The following SYNJ2 variants were observed in gnomAD, a reference collection of about 807,000 sequenced individuals.
SYNJ2 encodes the protein polyphosphatidylinositol phosphatase SYNJ2.
Under a neutral mutation model 141.3 loss-of-function variants are expected in SYNJ2, and 116 were observed. That is an observed-to-expected ratio of 0.82 (90% CI 0.71 to 0.96). SYNJ2 has a LOEUF of 0.96. SYNJ2 is among the 40% of genes least tolerant of loss of function. The pLI, the probability that SYNJ2 is intolerant of heterozygous loss-of-function variation, is 0.00. For missense variants in SYNJ2, 1,873 were observed against 1,934.8 expected, an observed-to-expected ratio of 0.97 and a Z score of 0.60; for synonymous variants, 745 against 777.7, an observed-to-expected ratio of 0.96 and a Z score of 0.70.
chr6:158,023,085 A>G (rs1282277036), intron 2 of SYNJ2, among the ~76,000 whole-genome samples: 1 of 152,050 alleles, frequency 6.6e-6, no homozygotes, highest in African/African-American at 2.4e-5. Context: ...CTATGTCTCT[A>G]CATAGTGATG....
At chr6:158,023,415 C>T (rs564322893) in intron 2 of SYNJ2, among the ~76,000 whole-genome samples, 2 of 152,170 alleles carry the variant, frequency 1.3e-5, no homozygotes, top group East Asian at 3.9e-4. Context: ...GTAGGCAGGG[C>T]GGGGCCTTCC....
intron 1 of SYNJ2, among the ~76,000 whole-genome samples, chr6:157,991,585 C>A (rs1487371849): frequency 6.6e-6 from 1 of 152,176 alleles, no homozygotes; most frequent in Non-Finnish European, 1.5e-5. Flanking sequence ...AACCTAGTTG[C>A]CTTTCCTACT....
At chr6:158,093,801 G>A (rs1273956532) in intron 26 of SYNJ2, 15 of 715,084 alleles carry the variant, frequency 2.1e-5, no homozygotes, top group Middle Eastern at 2.4e-4. Context: ...AACAGTAACC[G>A]ATTCCCAGAT....
chr6:158,032,048 T>C (rs1779392769), intron 3 of SYNJ2, among the ~76,000 whole-genome samples: 1 of 152,192 alleles, frequency 6.6e-6, no homozygotes, highest in African/African-American at 2.4e-5. Flanking sequence ...TGTGTTTTTG[T>C]ACAGCAATGC....
intron 16 of SYNJ2, 24 bp from the exon 17 acceptor site, chr6:158,076,602 G>A (rs777103432): frequency 8.7e-6 from 14 of 1,605,404 alleles, no homozygotes; most frequent in Middle Eastern, 3.3e-4. Context: ...ACGGTGGCCT[G>A]ATGACTTCTT....
Position 158,033,455 on chromosome 6 carries a change from G to A in SYNJ2, c.486G>A (p.Trp162Ter). Residue 162 changes from tryptophan to a stop codon, truncating the protein, a stop_gained and splice_region_variant, in exon 4 of 27, where the codon TGG becomes TGA. Transcript: ENST00000355585. LOFTEE classifies it high-confidence loss of function. Reference protein sequence around the residue: ...DSSEWGNSFFWNQLLHVPLRQ... With the variant: ...DSSEWGNSFF ...ATTGGTGTGGGACTGTGTTTTGCAG[G>A]AACCAGCTGTTGCACGTGCCCTTGA... The A allele has an allele frequency of 1.9e-6, 3 of 1,613,718 alleles. No individual in the cohort carries two copies. The highest frequency in any genetic ancestry group is 2.5e-6 in the Non-Finnish European group (3 of 1,179,660).
chr6:158,082,698 G>A (rs1431763483), intron 20 of SYNJ2, among the ~76,000 whole-genome samples: 1 of 152,088 alleles, frequency 6.6e-6, no homozygotes, highest in African/African-American at 2.4e-5. Flanking sequence ...AAGAATGTCA[G>A]TCACTGTGTC....
intron 1 of SYNJ2, among the ~76,000 whole-genome samples, chr6:158,010,974 T>C (rs1226576276): frequency 2.8e-5 from 4 of 140,856 alleles, no homozygotes; most frequent in African/African-American, 8.1e-5. Context: ...GGGGAGGGGA[T>C]GGCCACGTGA....
chr6:158,074,817 G>A, intron 16 of SYNJ2, 79 bp downstream of exon 16: 2 of 1,524,672 alleles, frequency 1.3e-6, no homozygotes. Flanking sequence ...GGCTGGTGCA[G>A]CAAATTCAGT....
chr6:158,037,142 CA>C (rs1260671937), intron 4 of SYNJ2, among the ~76,000 whole-genome samples: 4 of 152,178 alleles, frequency 2.6e-5, no homozygotes, highest in Non-Finnish European at 4.4e-5. Context: ...TGGCCGAAAA[CA>C]ACACACTTAT....
intron 22 of SYNJ2, among the ~76,000 whole-genome samples, chr6:158,085,267 T>C (rs772714899): frequency 6.6e-5 from 10 of 152,148 alleles, no homozygotes; most frequent in Non-Finnish European, 1.3e-4. Context: ...GTGACCCTCC[T>C]ACCTGGGCCT....
At chr6:157,993,817 T>TGG (rs1562311084) in intron 1 of SYNJ2, among the ~76,000 whole-genome samples, 15 of 116,686 alleles carry the variant, frequency 1.3e-4, no homozygotes, top group African/African-American at 4.7e-4. Context: ...TTTTTTTTTT[T>TGG]TTTTTTTTTT....
At chr6:158,069,082 T>C (rs1024345134) in intron 13 of SYNJ2, among the ~76,000 whole-genome samples, 6 of 152,054 alleles carry the variant, frequency 3.9e-5, no homozygotes, top group Admixed American at 1.3e-4. Flanking sequence ...AGTAGTTGAC[T>C]CATGTTTCCT....
Position 157,982,159 on chromosome 6 carries a change from G to A in SYNJ2, c.127+71G>A, listed in dbSNP as rs1052017181. 3.2e-5 allele frequency: 41 copies of A among 1,263,434 alleles called. No homozygotes were observed. The highest frequency in any genetic ancestry group is 4.0e-5 in the Non-Finnish European group (40 of 1,003,754). The allele number at this position is 1,263,434 out of a possible 1,614,324, so 78.3% of individuals were successfully genotyped here. On this transcript the variant is annotated intron_variant, in intron 1 of 26. Transcript: ENST00000355585. This position sits in a 1 kb window ranked among gnomAD's most constrained non-coding sequence, Gnocchi z 4.0. ...GCATTCGCCCAGCCTCGGGAAGACG[G>A]GTACCCCCCCTTCCCGAGGGGATCG...
intron 3 of SYNJ2, among the ~76,000 whole-genome samples, chr6:158,032,598 C>T (rs11962601): frequency 0.047 from 7,229 of 152,240 alleles, 572 homozygotes; most frequent in African/African-American, 0.17. Flanking sequence ...GCGTGAAGAG[C>T]GCGGGCTCCA....
chr6:158,065,160 C>T (rs546618923), intron 11 of SYNJ2, among the ~76,000 whole-genome samples, 169 bp downstream of exon 11: 34 of 152,340 alleles, frequency 2.2e-4, no homozygotes, highest in South Asian at 8.3e-4. Context: ...CCTGCGCTTT[C>T]CTGCTGGGCC....
At chr6:158,058,725 G>A (rs1368955933) in intron 6 of SYNJ2, among the ~76,000 whole-genome samples, 2 of 152,182 alleles carry the variant, frequency 1.3e-5, no homozygotes, top group African/African-American at 2.4e-5. Context: ...CCAGGAGTTC[G>A]AGACCAGCCT....
rs949298489 is a variant in SYNJ2 at position 158,039,279 on chromosome 6, G to A, written c.712-4037G>A. On this transcript the variant is annotated intron_variant, in intron 4 of 26. Coordinates refer to ENST00000355585, the MANE Select transcript of SYNJ2 (RefSeq NM_003898.4). Reference sequence around the variant, plus strand: ...GAATGCACAGTTAGTATGCTCCTGCGAAGCGGCAGCCCCGCTGCCCTCCCT... The same window carrying A: ...GAATGCACAGTTAGTATGCTCCTGCAAAGCGGCAGCCCCGCTGCCCTCCCT... Among the ~76,000 whole-genome samples the A allele has an allele frequency of 3.3e-5, 5 of 152,370 alleles. 1 individual carries two copies. In the South Asian group the frequency reaches 8.3e-4, roughly 25 times the overall value.
rs35712773 is a variant in SYNJ2 at position 158,066,424 on chromosome 6, C to CT, written c.1526-15dup. On this transcript the variant is annotated intron_variant, in intron 11 of 26. Coordinates refer to ENST00000355585, the MANE Select transcript of SYNJ2 (RefSeq NM_003898.4). ...GCTTTGGAACTGCAAAGAAATGTGC[C>CT]TTTTTATGCCTCCTGACAGTGACTC... 1 of 1,613,414 alleles carries CT rather than the reference C, an allele frequency of 6.2e-7. No individual in the cohort carries two copies. The highest frequency in any genetic ancestry group is 8.5e-7 in the Non-Finnish European group (1 of 1,179,446).
Sources: allele counts gnomAD v4.1 joint callset (sites outside exome capture counted in the v4.1 genomes callset), GRCh38; gene constraint gnomAD v4.1.1; non-coding constraint Gnocchi (gnomAD v3.1); transcripts MANE v1.5; gene names NCBI Gene and HGNC (gene_info 2026-07-23, HGNC 2026-07-21).